Variants in NALF2 observed in about 807,000 individuals in gnomAD.
NALF2 encodes the protein bB57D9.1 (TED protein).
A neutral mutation model predicts 24.8 loss-of-function variants in NALF2; 1 was observed. That is an observed-to-expected ratio of 0.04 (90% confidence interval 0.01 to 0.19). The LOEUF (loss-of-function observed/expected upper bound fraction) is 0.19. Among genes scored for constraint, NALF2 ranks in the 10% least tolerant of loss-of-function variants. The probability of loss-of-function intolerance (pLI) is 1.00; values close to 1 mark genes in which losing one functional copy is unlikely to be tolerated. For synonymous variants in NALF2, 254 were observed against 189.8 expected (o/e 1.34, Z -2.78); for missense variants, 458 against 409.6 (o/e 1.12, Z -1.02).
At position 69,531,259 on chromosome X, in the gene NALF2, G is replaced by T. The variant is rs1281984781; in HGVS notation, c.*1303G>T. 2.7e-5 allele frequency: 3 copies of T among 113,152 alleles called. No individual in the cohort carries two copies. Among genetic ancestry groups the T allele is most frequent in the African/African-American group, 9.6e-5 (3 of 31,091 alleles). The allele number at this position is 113,152 out of a possible 1,213,427, so 9.3% of individuals were successfully genotyped here. On this transcript the variant is annotated 3_prime_UTR_variant, in exon 3 of 3. Transcript: ENST00000252338. The stretch of plus-strand genomic sequence containing the variant: ...CCGGCCTCTTGCAAGAGAAAGTCCA[G>T]GGACTGGCAAGAAGACCCTTTGACT...
In NALF2 at chrX:69,531,841, T is replaced by C. The variant is rs1401903296; in HGVS notation, c.*1885T>C. The C allele has an allele frequency of 1.8e-5, 2 of 111,869 alleles. No individual in the cohort carries two copies. Among genetic ancestry groups the C allele is most frequent in the Non-Finnish European group, 3.8e-5 (2 of 53,081 alleles). 9.2% of individuals were successfully genotyped at this position (111,869 alleles called of 1,213,427 possible). ...ACATACCCCATCCCTAGAGTGCTCTTTTCAGCTGGGGAGGGGAAGAGGTGC... is the reference window on the plus strand; with the variant it reads ...ACATACCCCATCCCTAGAGTGCTCTCTTCAGCTGGGGAGGGGAAGAGGTGC... On this transcript the variant is annotated 3_prime_UTR_variant, in exon 3 of 3. Transcript: ENST00000252338.
rs1296072446 is a variant in NALF2, at chrX:69,514,688, C to T, written c.861+8545C>T. On this transcript the variant is annotated intron_variant, in intron 1 of 2. Transcript: ENST00000252338. Reference sequence around the variant, plus strand: ...GGCTGAACCATTTTACATTATATTACATTTTATGTTATACATTCTGCACCA... The same window carrying T: ...GGCTGAACCATTTTACATTATATTATATTTTATGTTATACATTCTGCACCA... Among the ~76,000 whole-genome samples, 3 of 112,002 alleles carry T rather than the reference C, an allele frequency of 2.7e-5. No homozygotes were observed. In the East Asian group the frequency reaches 8.4e-4, roughly 31 times the overall value.
intron 1 of NALF2, among the ~76,000 whole-genome samples, chrX:69,522,942 T>G (rs1294362859): frequency 1.8e-5 from 2 of 112,652 alleles, no homozygotes; most frequent in Non-Finnish European, 3.7e-5. Flanking sequence ...CCCTCTTCTT[T>G]GGGTCTCAGT....
intron 1 of NALF2, among the ~76,000 whole-genome samples, chrX:69,527,402 C>T (rs1930824098): frequency 8.9e-6 from 1 of 111,869 alleles, no homozygotes; most frequent in African/African-American, 3.3e-5. Context: ...TGTGGGATTG[C>T]ATTGCCAAAG....
intron 1 of NALF2, among the ~76,000 whole-genome samples, chrX:69,506,694 C>T (rs1322415884): frequency 8.8e-6 from 1 of 113,092 alleles, no homozygotes; most frequent in African/African-American, 3.2e-5. Flanking sequence ...TGGCCAGAGC[C>T]GAGGCAGGTC....
rs1930435720 is a variant in NALF2 at position 69,505,117 on chromosome X, C to T, written c.-166C>T. On this transcript the variant is annotated 5_prime_UTR_variant, in exon 1 of 3. Transcript: ENST00000252338. ...GACGGCACCAGAGCGCCCCGCGACT[C>T]CGGCCTGAGCGGGGCATCGCGCCGG... The T allele has an allele frequency of 5.5e-6, 2 of 361,542 alleles. No homozygotes were observed. Among genetic ancestry groups the T allele is most frequent in the Non-Finnish European group, 8.7e-6 (2 of 229,317 alleles). The allele number at this position is 361,542 out of a possible 1,213,427, so 29.8% of individuals were successfully genotyped here.
At chrX:69,523,687 A>G (rs1602197115) in intron 1 of NALF2, among the ~76,000 whole-genome samples, 2 of 111,903 alleles carry the variant, frequency 1.8e-5, no homozygotes, top group Non-Finnish European at 3.8e-5. Context: ...TGCCAGGTCA[A>G]TGCTTCCCAC....
rs1390050368 is a variant in NALF2 at position 69,505,444 on chromosome X, C to T, written c.162C>T (p.Thr54=). The change falls in exon 1 of 3, where the codon ACC becomes ACT. Residue 54 remains threonine (T), a synonymous_variant. Coordinates refer to ENST00000252338, the MANE Select transcript of NALF2 (RefSeq NM_015686.3). Reference sequence around the variant, plus strand: ...CCCTGGCGTCCCTGCTCTTCTTCACCGTGCTGCTCGCTGACCATCTGTGGC... The same window carrying T: ...CCCTGGCGTCCCTGCTCTTCTTCACTGTGCTGCTCGCTGACCATCTGTGGC... ...RLSLASLLFF[T]VLLADHLWLC... The T allele has an allele frequency of 1.1e-5, 12 of 1,138,260 alleles. No homozygotes were observed. In the Admixed American group the frequency reaches 1.7e-4, roughly 16 times the overall value. 93.8% of individuals were successfully genotyped at this position (1,138,260 alleles called of 1,213,427 possible).
In NALF2 at chrX:69,529,881, C is replaced by T; in HGVS notation, c.1344C>T (p.Ser448=). Residue 448 remains serine, a synonymous_variant, in exon 3 of 3, where the codon TCC becomes TCT. Coordinates refer to ENST00000252338, the MANE Select transcript of NALF2 (RefSeq NM_015686.3). The part of the protein sequence containing the change: ...LMLLHTVVSF[S]SNQGGGGLGL... ...TCCTCCATACCGTGGTGTCCTTCTC[C>T]AGCAACCAGGGTGGTGGGGGATTGG... 1 of 1,211,504 alleles carries T rather than the reference C, an allele frequency of 8.3e-7. No homozygotes were observed. The highest frequency in any genetic ancestry group is 1.1e-6 in the Non-Finnish European group (1 of 895,368).
chrX:69,528,172 G>C (rs1215955647), intron 1 of NALF2, among the ~76,000 whole-genome samples: 2 of 111,672 alleles, frequency 1.8e-5, no homozygotes, highest in Non-Finnish European at 3.8e-5. Flanking sequence ...TGGGCTTGAT[G>C]ATAACCAAAG....
In NALF2 at chrX:69,505,139, C is replaced by G; in HGVS notation, c.-144C>G. On this transcript the variant is annotated 5_prime_UTR_variant, in exon 1 of 3. Coordinates refer to ENST00000252338, the MANE Select transcript of NALF2 (RefSeq NM_015686.3). ...ACTCCGGCCTGAGCGGGGCATCGCG[C>G]CGGCCGGCCTGCCTCACCATGCAGC... 1 of 493,702 alleles carries G rather than the reference C, an allele frequency of 2.0e-6. No homozygotes were observed. Among genetic ancestry groups the G allele is most frequent in the Non-Finnish European group, 3.0e-6 (1 of 336,669 alleles). 40.7% of individuals were successfully genotyped at this position (493,702 alleles called of 1,213,427 possible). A position where few individuals can be genotyped will look rare whatever the true frequency, so the allele number is the denominator to read the frequency against.
At chrX:69,521,005 G>C (rs187966325) in intron 1 of NALF2, among the ~76,000 whole-genome samples, 3 of 111,884 alleles carry the variant, frequency 2.7e-5, no homozygotes, top group Non-Finnish European at 5.6e-5. Flanking sequence ...TTAGTCATGG[G>C]AGTGGCAAGC....
At chrX:69,508,461 GTCT>G (rs936538406) in intron 1 of NALF2, among the ~76,000 whole-genome samples, 3 of 110,942 alleles carry the variant, frequency 2.7e-5, no homozygotes, top group Non-Finnish European at 5.7e-5. Flanking sequence ...CCTCTCCTTT[GTCT>G]TCTTGTCTGT....
chrX:69,523,858 T>C (rs1246837688), intron 1 of NALF2, among the ~76,000 whole-genome samples: 1 of 111,999 alleles, frequency 8.9e-6, no homozygotes, highest in Admixed American at 9.4e-5. Flanking sequence ...CCATGCCCTG[T>C]GTCCTGCCTC....
At chrX:69,506,234 TACCCACCCCACCAC>T in intron 1 of NALF2, 91 bp downstream of exon 1, 1 of 999,570 alleles carries the variant, frequency 1.0e-6, no homozygotes, top group East Asian at 3.3e-5. Context: ...TCTCCCTTTC[TACCCACCCCACCAC>T]TCCCACCGTG....
At chrX:69,528,766 C>A (rs1305579723) in intron 1 of NALF2, among the ~76,000 whole-genome samples, 2 of 112,164 alleles carry the variant, frequency 1.8e-5, no homozygotes, top group East Asian at 5.7e-4. Flanking sequence ...AATTTTGAGT[C>A]TTGGATGACT....
chrX:69,524,108 T>C (rs907686736), intron 1 of NALF2, among the ~76,000 whole-genome samples: 1 of 108,710 alleles, frequency 9.2e-6, no homozygotes, highest in Non-Finnish European at 1.9e-5. Flanking sequence ...TTCTTTTTTT[T>C]TTTTTTTTAG....
chrX:69,507,151 C>T (rs1341599496), intron 1 of NALF2, among the ~76,000 whole-genome samples: 3 of 111,531 alleles, frequency 2.7e-5, no homozygotes, highest in Non-Finnish European at 5.7e-5. Context: ...GGGTGGTGGC[C>T]TCACACATCC....
intron 1 of NALF2, among the ~76,000 whole-genome samples, chrX:69,525,299 G>A (rs1301649126): frequency 9.0e-6 from 1 of 111,583 alleles, no homozygotes; most frequent in African/African-American, 3.3e-5. Context: ...ATGCAGGGTT[G>A]GGAGGGGGCC....
Sources: gnomAD v4.1 joint callset for allele counts (sites outside exome capture counted in the v4.1 genomes callset) on GRCh38, gnomAD v4.1.1 for gene constraint, MANE v1.5 for transcripts, NCBI Gene and HGNC (gene_info 2026-07-23, HGNC 2026-07-21) for gene names.